Variants in ERP44 observed in about 807,000 individuals in gnomAD.
ERP44 encodes the protein endoplasmic reticulum protein 44.
ERP44 carries 25 observed loss-of-function variants against 53.4 expected under a neutral mutation model. The observed-to-expected ratio is 0.47, with a 90% confidence interval of 0.34 to 0.65. ERP44 has a LOEUF of 0.65. ERP44 is among the 30% of genes least tolerant of loss of function. The pLI, the probability that ERP44 is intolerant of heterozygous loss-of-function variation, is 0.01. For missense variants in ERP44, 338 were observed against 493.2 expected (o/e 0.69, Z 2.98); for synonymous variants, 145 against 161.2 (o/e 0.90, Z 0.76).
intron 4 of ERP44, among the ~76,000 whole-genome samples, chr9:100,046,026 T>TA (rs916141331): frequency 3.9e-5 from 6 of 152,028 alleles, no homozygotes; most frequent in Non-Finnish European, 5.9e-5. Flanking sequence ...AGGGTCAATA[T>TA]AAAAAATCAA....
chr9:99,996,101 C>T (rs1169101435), intron 10 of ERP44, among the ~76,000 whole-genome samples: 1 of 151,958 alleles, frequency 6.6e-6, no homozygotes, highest in African/African-American at 2.4e-5. Flanking sequence ...GGTTTGTCTC[C>T]ACCAAACCTC....
chr9:100,061,230 G>C (rs1826143016), intron 1 of ERP44, among the ~76,000 whole-genome samples: 1 of 151,930 alleles, frequency 6.6e-6, no homozygotes, highest in Non-Finnish European at 1.5e-5. Flanking sequence ...ATCACAACGA[G>C]GTCAAAAGAT....
intron 1 of ERP44, among the ~76,000 whole-genome samples, chr9:100,094,616 C>T (rs1005208821): frequency 6.6e-6 from 1 of 151,970 alleles, no homozygotes; most frequent in Non-Finnish European, 1.5e-5. Context: ...CAAGATGGTG[C>T]CACTGCACTG....
intron 8 of ERP44, among the ~76,000 whole-genome samples, chr9:100,014,477 G>T (rs1433793409): frequency 2.0e-5 from 3 of 152,120 alleles, no homozygotes; most frequent in East Asian, 3.9e-4. Context: ...AGAGACGGGG[G>T]TTTCACCATG....
chr9:100,077,546 C>A (rs1312109319), intron 1 of ERP44, among the ~76,000 whole-genome samples: 2 of 152,212 alleles, frequency 1.3e-5, no homozygotes, highest in Admixed American at 1.3e-4. Flanking sequence ...GCACCACTCA[C>A]CATCACCCCT....
At chr9:100,042,508 A>C (rs1433393974) in intron 4 of ERP44, among the ~76,000 whole-genome samples, 2 of 152,150 alleles carry the variant, frequency 1.3e-5, no homozygotes, top group Admixed American at 6.5e-5. Flanking sequence ...GAGGTGACTC[A>C]AAAAAAGTAA....
chr9:100,092,768 G>T (rs1004031414), intron 1 of ERP44, among the ~76,000 whole-genome samples: 5 of 152,106 alleles, frequency 3.3e-5, no homozygotes, highest in African/African-American at 1.2e-4. Context: ...TTCAACTTTG[G>T]TTGTAATCAA....
At chr9:100,014,931 GT>G (rs1227002088) in intron 8 of ERP44, among the ~76,000 whole-genome samples, 3 of 152,158 alleles carry the variant, frequency 2.0e-5, no homozygotes, top group African/African-American at 7.2e-5. Flanking sequence ...CAAAATCAGG[GT>G]GCCAGCATGG....
intron 10 of ERP44, among the ~76,000 whole-genome samples, chr9:99,993,499 A>G (rs1830277370): frequency 6.6e-6 from 1 of 152,230 alleles, no homozygotes; most frequent in Admixed American, 6.5e-5. Context: ...TACACCATAT[A>G]CAAAAATTAA....
intron 8 of ERP44, among the ~76,000 whole-genome samples, chr9:100,009,572 T>C (rs1564088800): frequency 2.0e-5 from 3 of 152,196 alleles, no homozygotes; most frequent in Admixed American, 6.5e-5. Flanking sequence ...TCTTCCCCCA[T>C]CCATTAACTG....
intron 4 of ERP44, among the ~76,000 whole-genome samples, chr9:100,036,305 G>A (rs1420750813): frequency 1.3e-5 from 2 of 152,230 alleles, no homozygotes; most frequent in Non-Finnish European, 2.9e-5. Context: ...GGTACACTAT[G>A]CAGCCACATA....
chr9:100,056,321 T>A (rs1294237882), intron 3 of ERP44, among the ~76,000 whole-genome samples: 1 of 152,226 alleles, frequency 6.6e-6, no homozygotes, highest in Non-Finnish European at 1.5e-5. Context: ...ACATATTTTA[T>A]AAACAGCATT....
chr9:100,093,507 G>A (rs1021784054), intron 1 of ERP44, among the ~76,000 whole-genome samples: 2 of 152,174 alleles, frequency 1.3e-5, no homozygotes, highest in Non-Finnish European at 2.9e-5. Context: ...AGCTGGGTGT[G>A]GTGGCTTGTG....
Position 100,061,241 on chromosome 9 carries a change from C to T in ERP44, c.58-1069G>A, listed in dbSNP as rs540392729. 4.6e-5 allele frequency among the ~76,000 whole-genome samples: 7 copies of T among 152,046 alleles called. No individual in the cohort carries two copies. The East Asian group carries it at 1.2e-3, about 25-fold the overall frequency. ...GCAGATCACAACGAGGTCAAAAGAT[C>T]GAGACCATCCTGGCCAACATGGTGA... On this transcript the variant is annotated intron_variant, in intron 1 of 11. Transcript: ENST00000262455.
intron 4 of ERP44, among the ~76,000 whole-genome samples, chr9:100,043,763 A>G (rs1825938889): frequency 6.6e-6 from 1 of 152,140 alleles, no homozygotes; most frequent in Non-Finnish European, 1.5e-5. Flanking sequence ...TCAAACAGAA[A>G]AAAAAAAAAT....
Position 100,006,247 on chromosome 9 carries a change from C to T in ERP44, c.1016+259G>A, listed in dbSNP as rs34632004. The stretch of plus-strand genomic sequence containing the variant: ...TTTCTTTGAGAGATTGATTCCCAAG[C>T]ATTAATCACTAATCATCCAAGCATT... On this transcript the variant is annotated intron_variant, in intron 10 of 11. Coordinates refer to ENST00000262455, the MANE Select transcript of ERP44 (RefSeq NM_015051.3). Among the ~76,000 whole-genome samples the T allele has an allele frequency of 9.6e-3, 1,457 of 152,220 alleles. 14 individuals carry two copies. Among genetic ancestry groups the T allele is most frequent in the African/African-American group, 0.012 (480 of 41,550 alleles).
Position 100,009,288 on chromosome 9 carries a change from A to G in ERP44, c.763-1599T>C, listed in dbSNP as rs561778786. ...CACCATGCCCAGCTAATTTTTTTGT[A>G]TATTTAGTGGAGATGGGGTTTCACC... is the stretch of plus-strand genomic sequence containing the variant. On this transcript the variant is annotated intron_variant, in intron 8 of 11. Transcript: ENST00000262455. 1.4e-4 allele frequency among the ~76,000 whole-genome samples: 21 copies of G among 151,816 alleles called. No homozygotes were observed. In the South Asian group the frequency reaches 3.5e-3, roughly 26 times the overall value.
intron 1 of ERP44, among the ~76,000 whole-genome samples, chr9:100,061,075 C>A (rs796207591): frequency 6.6e-6 from 1 of 152,188 alleles, no homozygotes. Flanking sequence ...TTTTATAATT[C>A]ACCAACAATT....
chr9:100,077,977 A>G (rs553526021), intron 1 of ERP44, among the ~76,000 whole-genome samples: 25 of 152,202 alleles, frequency 1.6e-4, no homozygotes, highest in African/African-American at 6.0e-4. Flanking sequence ...AACCACCAGG[A>G]AAAAAAACCA....
Sources: allele counts gnomAD v4.1 joint callset (sites outside exome capture counted in the v4.1 genomes callset), GRCh38; gene constraint gnomAD v4.1.1; transcripts MANE v1.5; gene names NCBI Gene and HGNC (gene_info 2026-07-23, HGNC 2026-07-21).